The following PAICS variants were observed in gnomAD, a reference collection of about 807,000 sequenced individuals.
The protein encoded by PAICS is phosphoribosylaminoimidazole carboxylase and phosphoribosylaminoimidazolesuccinocarboxamide synthase.
In PAICS, 33 loss-of-function variants were observed where a neutral mutation model predicts 53.7. The ratio of observed to expected loss-of-function variants is 0.61; its 90% confidence interval spans 0.47 to 0.82. The LOEUF (loss-of-function observed/expected upper bound fraction) is 0.82, where lower values mean the gene tolerates loss of function less well. PAICS is among the 40% of genes least tolerant of loss of function. The pLI, the probability that PAICS is intolerant of heterozygous loss-of-function variation, is 0.00. For missense variants in PAICS, 394 were observed against 494.1 expected (o/e 0.80, Z 1.92); for synonymous variants, 141 against 167.2 (o/e 0.84, Z 1.21).
intron 1 of PAICS, among the ~76,000 whole-genome samples, chr4:56,439,260 G>A (rs945097326): frequency 8.6e-5 from 13 of 151,802 alleles, no homozygotes; most frequent in African/African-American, 1.9e-4. Context: ...TTCTTGAGAC[G>A]GAGTCTCCCT....
At chr4:56,443,574 G>A (rs1055497538) in intron 2 of PAICS, among the ~76,000 whole-genome samples, 2 of 152,046 alleles carry the variant, frequency 1.3e-5, no homozygotes, top group African/African-American at 2.4e-5. Flanking sequence ...TCTTTAAAAT[G>A]TTAGCAGTCA....
At chr4:56,429,356 G>T in the PAICS span, among the ~76,000 whole-genome samples, 98 of 152,042 alleles carry the variant, frequency 6.4e-4, no homozygotes, top group Non-Finnish European at 1.0e-3. Context: ...GATGTAAAAA[G>T]AAAAAAATCC....
chr4:56,440,861 G>A (rs1718301444), intron 1 of PAICS, among the ~76,000 whole-genome samples: 1 of 152,176 alleles, frequency 6.6e-6, no homozygotes, highest in Admixed American at 6.5e-5. Flanking sequence ...GGAAGTATGA[G>A]GGTTGATTTC....
chr4:56,436,026 T>C (rs1356197431), upstream of PAICS: 6 of 1,526,144 alleles, frequency 3.9e-6, no homozygotes, highest in East Asian at 4.9e-5. Context: ...GCGCCACTTT[T>C]CGCCTGTCCG....
chr4:56,435,666 T>G, upstream of PAICS: 1 of 1,429,588 alleles, frequency 7.0e-7, no homozygotes, highest in East Asian at 2.5e-5. Context: ...GCCCTGCTCC[T>G]CCCCCTCCGA....
intron 1 of PAICS, among the ~76,000 whole-genome samples, chr4:56,438,970 T>C (rs1718193984): frequency 6.6e-6 from 1 of 152,204 alleles, no homozygotes; most frequent in Admixed American, 6.5e-5. Flanking sequence ...TTCAATTCCA[T>C]GAATCATTTT....
At chr4:56,436,044 C>T, upstream of PAICS, 1 of 1,515,268 alleles carries the variant, frequency 6.6e-7, no homozygotes, top group Non-Finnish European at 8.9e-7. Context: ...CCGGGCACTG[C>T]GCCAGCGCGG....
chr4:56,414,079 A>G, the PAICS span, among the ~76,000 whole-genome samples: 45 of 152,300 alleles, frequency 3.0e-4, no homozygotes, highest in Non-Finnish European at 6.0e-4. Context: ...AGAAATTTGC[A>G]TGATTTTCTT....
At chr4:56,410,681 T>G in the PAICS span, 1 of 986,574 alleles carries the variant, frequency 1.0e-6, no homozygotes, top group Non-Finnish European at 1.2e-6. Context: ...ATACAGAGAC[T>G]GGAAACAGTG....
At chr4:56,453,544 C>T (rs992657513) in intron 7 of PAICS, 59 bp from the exon 8 acceptor site, 9 of 939,810 alleles carry the variant, frequency 9.6e-6, no homozygotes, top group African/African-American at 7.7e-5. Context: ...AAAAAAAAAA[C>T]CCTGTCTTTA....
chr4:56,425,070 T>C, the PAICS span, among the ~76,000 whole-genome samples: 1 of 152,214 alleles, frequency 6.6e-6, no homozygotes, highest in Non-Finnish European at 1.5e-5. Flanking sequence ...CTTTTGGTTG[T>C]AGCAAAACAT....
chr4:56,410,859 A>C, the PAICS span: 7 of 972,360 alleles, frequency 7.2e-6, no homozygotes, highest in Non-Finnish European at 8.5e-6. Flanking sequence ...AGGTACCTGG[A>C]AACGCTCAGC....
At chr4:56,450,576 G>A in intron 5 of PAICS, 43 bp from the exon 6 acceptor site, 1 of 1,033,854 alleles carries the variant, frequency 9.7e-7, no homozygotes, top group Non-Finnish European at 1.5e-6. Context: ...GTTTCAGGTA[G>A]CAAGAGATAC....
chr4:56,447,027 C>G (rs1320670954), intron 3 of PAICS, among the ~76,000 whole-genome samples, 154 bp downstream of exon 3: 1 of 147,884 alleles, frequency 6.8e-6, no homozygotes, highest in Non-Finnish European at 1.5e-5. Context: ...TTGCCAATGT[C>G]AATAATGTAC....
chr4:56,449,923 C>T lies in PAICS; in HGVS notation c.688-696C>T, dbSNP rs190134373. On this transcript the variant is annotated intron_variant, in intron 5 of 8. Transcript: ENST00000512576. ...CCGGGAGGTGGAGGTTGCAGTGAGC[C>T]GAGATTGTGCCACTGCACTCCAACC... Among the ~76,000 whole-genome samples, 593 of 149,548 alleles carry T rather than the reference C, an allele frequency of 4.0e-3. 5 individuals carry two copies. Among genetic ancestry groups the T allele is most frequent in the African/African-American group, 0.013 (521 of 40,530 alleles).
rs1718739593 is a variant in PAICS at position 56,448,582 on chromosome 4, A to G, written c.558A>G (p.Thr186=). 1.2e-6 allele frequency: 2 copies of G among 1,600,444 alleles called. No homozygotes were observed. The highest frequency in any genetic ancestry group is 1.7e-6 in the Non-Finnish European group (2 of 1,171,052). ...AATCCTGGTTGCCCCAGAATTGTAC[A>G]CTGGTTGATATGAAGGTACAGATAA... ...LEKSWLPQNC[T]LVDMKIEFGV... The change falls in exon 4 of 9, where the codon ACA becomes ACG. Residue 186 remains threonine, a synonymous_variant. Coordinates refer to ENST00000512576, the MANE Select transcript of PAICS (RefSeq NM_001079524.2).
chr4:56,411,888 TAAC>T, the PAICS span, among the ~76,000 whole-genome samples: 1 of 152,164 alleles, frequency 6.6e-6, no homozygotes, highest in Non-Finnish European at 1.5e-5. Flanking sequence ...TACAGCTCAG[TAAC>T]AAATCATTTC....
chr4:56,412,696 G>A, the PAICS span, among the ~76,000 whole-genome samples: 2 of 152,070 alleles, frequency 1.3e-5, no homozygotes, highest in Non-Finnish European at 2.9e-5. Context: ...CAGTCACTAA[G>A]TCTTTAAAAA....
At chr4:56,419,981 C>T in the PAICS span, 1 of 984,812 alleles carries the variant, frequency 1.0e-6, no homozygotes, top group East Asian at 1.1e-4. Flanking sequence ...AATCACGAGA[C>T]CAGGAATCCC....
Sources: gnomAD v4.1 joint callset for allele counts (sites outside exome capture counted in the v4.1 genomes callset) on GRCh38, gnomAD v4.1.1 for gene constraint, MANE v1.5 for transcripts, NCBI Gene and HGNC (gene_info 2026-07-23, HGNC 2026-07-21) for gene names.